The following TMBIM6 variants were observed in gnomAD, a reference collection of about 807,000 sequenced individuals.
TMBIM6 encodes the protein bax inhibitor 1.
TMBIM6 carries 13 observed loss-of-function variants against 31.4 expected under a neutral mutation model. The ratio of observed to expected loss-of-function variants is 0.41; its 90% CI spans 0.27 to 0.66. The LOEUF is 0.66. Ranked by LOEUF, TMBIM6 falls within the 30% of genes least tolerant of loss-of-function variation. The pLI is 0.28. For synonymous variants in TMBIM6, 85 were observed against 101.7 expected, an observed-to-expected ratio of 0.84 and a Z score of 0.99; for missense variants, 275 against 289.5, an observed-to-expected ratio of 0.95 and a Z score of 0.36.
At chr12:49,742,385 G>T in intron 1 of TMBIM6, 1 of 1,412,202 alleles carries the variant, frequency 7.1e-7, no homozygotes, top group South Asian at 1.4e-5. Context: ...CCTACTTGCT[G>T]GACCTGTGGT....
At chr12:49,755,814 T>G in intron 4 of TMBIM6, 59 bp downstream of exon 4, 1 of 1,555,288 alleles carries the variant, frequency 6.4e-7, no homozygotes, top group Non-Finnish European at 8.7e-7. Flanking sequence ...TATCTCTTAA[T>G]TAGTTCCCCC....
chr12:49,758,843 T>C (rs1945658910), intron 7 of TMBIM6, 81 bp downstream of exon 7: 2 of 1,223,598 alleles, frequency 1.6e-6, no homozygotes, highest in African/African-American at 3.1e-5. Context: ...TTGCACTTCT[T>C]TCTGTACTAC....
At chr12:49,762,079 A>G in intron 9 of TMBIM6, 1 of 335,420 alleles carries the variant, frequency 3.0e-6, no homozygotes, top group Non-Finnish European at 5.4e-6. Flanking sequence ...ACTCAGAGAA[A>G]GGTATTGTGG....
chr12:49,741,904 C>CT (rs376555989), intron 1 of TMBIM6: 10 of 641,102 alleles, frequency 1.6e-5, no homozygotes, highest in Middle Eastern at 8.8e-4. Context: ...GCGAAGGCCC[C>CT]TTCTCAGCCC....
At chr12:49,748,373 G>A (rs1314429735) in intron 1 of TMBIM6, among the ~76,000 whole-genome samples, 3 of 152,150 alleles carry the variant, frequency 2.0e-5, no homozygotes, top group Non-Finnish European at 4.4e-5. Flanking sequence ...AGCCCCTGCT[G>A]TCCCTGTCTT....
intron 3 of TMBIM6, 43 bp downstream of exon 3, chr12:49,753,124 A>C: frequency 6.4e-7 from 1 of 1,565,782 alleles, no homozygotes; most frequent in Non-Finnish European, 8.8e-7. Context: ...TACAAATTAC[A>C]TTAGGAAAAA....
intron 3 of TMBIM6, among the ~76,000 whole-genome samples, chr12:49,754,358 C>T (rs76115994): frequency 0.011 from 1,647 of 152,150 alleles, 30 homozygotes; most frequent in African/African-American, 0.037. Flanking sequence ...GCAGAAAGAC[C>T]GTAATGTGCC....
At chr12:49,741,904 C>T (rs1592717489) in intron 1 of TMBIM6, 2 of 641,102 alleles carry the variant, frequency 3.1e-6, no homozygotes, top group South Asian at 2.0e-5. Context: ...GCGAAGGCCC[C>T]TTCTCAGCCC....
intron 3 of TMBIM6, 78 bp downstream of exon 3, chr12:49,753,159 G>A: frequency 9.1e-7 from 1 of 1,101,650 alleles, no homozygotes; most frequent in Non-Finnish European, 1.3e-6. Flanking sequence ...GTGGTCCAAG[G>A]GACCCTGTTC....
intron 4 of TMBIM6, among the ~76,000 whole-genome samples, chr12:49,756,440 C>CT (rs1194535783): frequency 0.057 from 6,034 of 105,766 alleles, 368 homozygotes; most frequent in African/African-American, 0.12. Context: ...TGCCTCCTGG[C>CT]TTTTTTTTTT....
chr12:49,746,870 C>A (rs1372187657), intron 1 of TMBIM6, among the ~76,000 whole-genome samples: 1 of 152,180 alleles, frequency 6.6e-6, no homozygotes, highest in Non-Finnish European at 1.5e-5. Flanking sequence ...GAGTCTGGCT[C>A]TGTCACCCAG....
chr12:49,761,592 G>A, intron 8 of TMBIM6, 112 bp from the exon 9 acceptor site: 3 of 881,820 alleles, frequency 3.4e-6, no homozygotes, highest in Non-Finnish European at 3.5e-6. Context: ...GGGGTAAAGT[G>A]TGGGAGAAGC....
chr12:49,743,838 G>C (rs941374479), intron 1 of TMBIM6, among the ~76,000 whole-genome samples: 2 of 152,112 alleles, frequency 1.3e-5, no homozygotes, highest in African/African-American at 2.4e-5. Context: ...TCTGGTTCTG[G>C]CTCTGCTATT....
chr12:49,745,001 G>A (rs1400300133), intron 1 of TMBIM6, among the ~76,000 whole-genome samples: 13 of 149,980 alleles, frequency 8.7e-5, no homozygotes, highest in Admixed American at 7.9e-4. Context: ...TACTGGTTTG[G>A]TTTTGAGGCA....
chr12:49,760,793 C>T (rs1303769347), intron 8 of TMBIM6, among the ~76,000 whole-genome samples: 4 of 150,674 alleles, frequency 2.7e-5, no homozygotes, highest in Non-Finnish European at 5.9e-5. Flanking sequence ...CTGCCTTCCT[C>T]AGCCTCCCAA....
chr12:49,760,493 A>G (rs1026491206), intron 8 of TMBIM6, among the ~76,000 whole-genome samples: 1 of 150,488 alleles, frequency 6.6e-6, no homozygotes, highest in African/African-American at 2.4e-5. Flanking sequence ...TGGTTTCCCA[A>G]AGTGTTGGGA....
At chr12:49,754,514 A>G (rs760407367) in intron 3 of TMBIM6, among the ~76,000 whole-genome samples, 1 of 152,214 alleles carries the variant, frequency 6.6e-6, no homozygotes, top group Non-Finnish European at 1.5e-5. Flanking sequence ...CAAGGTATCT[A>G]TTGATCATTT....
intron 1 of TMBIM6, among the ~76,000 whole-genome samples, chr12:49,746,117 C>T (rs1402691000): frequency 2.7e-5 from 4 of 149,494 alleles, no homozygotes; most frequent in Non-Finnish European, 5.9e-5. Context: ...GAGTCTCACT[C>T]TGTCGCCCAG....
intron 1 of TMBIM6, among the ~76,000 whole-genome samples, chr12:49,745,343 A>C (rs1173803092): frequency 6.6e-6 from 1 of 152,258 alleles, no homozygotes; most frequent in Non-Finnish European, 1.5e-5. Context: ...CCATTTAAAC[A>C]AAAGTACAGA....
Sources: gnomAD v4.1 joint callset for allele counts (sites outside exome capture counted in the v4.1 genomes callset) on GRCh38, gnomAD v4.1.1 for gene constraint, MANE v1.5 for transcripts, NCBI Gene and HGNC (gene_info 2026-07-23, HGNC 2026-07-21) for gene names.